The following SKAP1 variants were observed in gnomAD, a reference collection of about 807,000 sequenced individuals.
SKAP1 encodes src kinase-associated phosphoprotein 1.
Under a neutral mutation model 58.5 loss-of-function variants are expected in SKAP1, and 44 were observed. The observed-to-expected ratio is 0.75, with a 90% CI of 0.59 to 0.97. The LOEUF is 0.97. Among genes scored for constraint, SKAP1 ranks in the 50% least tolerant of loss-of-function variants. The pLI is 0.00. For synonymous variants in SKAP1, 127 were observed against 149.7 expected, an observed-to-expected ratio of 0.85 and a Z score of 1.11; for missense variants, 390 against 435.2, an observed-to-expected ratio of 0.90 and a Z score of 0.92.
chr17:48,342,990 A>AAATAAT (rs947638835), intron 4 of SKAP1, among the ~76,000 whole-genome samples: 3 of 152,198 alleles, frequency 2.0e-5, no homozygotes, highest in Non-Finnish European at 1.5e-5. Flanking sequence ...GTCTCAAAAA[A>AAATAAT]AATAATAATA....
At chr17:48,424,663 G>T (rs1184583951) in intron 1 of SKAP1, among the ~76,000 whole-genome samples, 1 of 151,710 alleles carries the variant, frequency 6.6e-6, no homozygotes, top group Non-Finnish European at 1.5e-5. Context: ...GGCCAGGCAC[G>T]GTGGCTCATG....
At chr17:48,391,408 A>G (rs1018759267) in intron 2 of SKAP1, among the ~76,000 whole-genome samples, 8 of 152,332 alleles carry the variant, frequency 5.3e-5, no homozygotes, top group African/African-American at 1.9e-4. Flanking sequence ...AAGTTAAGCC[A>G]AGAGATCAAC....
chr17:48,395,655 C>A (rs1356280976), intron 2 of SKAP1, among the ~76,000 whole-genome samples: 7 of 152,234 alleles, frequency 4.6e-5, no homozygotes, highest in Non-Finnish European at 1.0e-4. Context: ...AAACTCCCAT[C>A]TTTTGCATTC....
At chr17:48,289,165 T>C (rs1332498195) in intron 4 of SKAP1, among the ~76,000 whole-genome samples, 1 of 152,182 alleles carries the variant, frequency 6.6e-6, no homozygotes, top group Non-Finnish European at 1.5e-5. Context: ...ATTCAAGCAT[T>C]CTGATAGGCT....
At chr17:48,156,944 T>C (rs989932422) in intron 11 of SKAP1, among the ~76,000 whole-genome samples, 1 of 152,228 alleles carries the variant, frequency 6.6e-6, no homozygotes, top group African/African-American at 2.4e-5. Flanking sequence ...CAATAATTTA[T>C]TGAACTCCTA....
chr17:48,198,454 CAAA>C (rs55958821), intron 4 of SKAP1, among the ~76,000 whole-genome samples: 5 of 49,944 alleles, frequency 1.0e-4, no homozygotes, highest in African/African-American at 2.4e-4. Flanking sequence ...GACTCCGTCT[CAAA>C]AAAAAAAAAA....
At chr17:48,341,765 C>G (rs531054550) in intron 4 of SKAP1, among the ~76,000 whole-genome samples, 2 of 152,238 alleles carry the variant, frequency 1.3e-5, no homozygotes, top group South Asian at 4.1e-4. Context: ...AGAATCTTCT[C>G]TAACCTTCAA....
intron 10 of SKAP1, among the ~76,000 whole-genome samples, chr17:48,166,642 G>T (rs780069171): frequency 6.6e-6 from 1 of 152,182 alleles, no homozygotes; most frequent in Non-Finnish European, 1.5e-5. Flanking sequence ...TTACTAAAAT[G>T]ATCGTGTCAA....
chr17:48,391,072 A>G (rs1316857867), intron 2 of SKAP1, among the ~76,000 whole-genome samples: 1 of 152,170 alleles, frequency 6.6e-6, no homozygotes, highest in Non-Finnish European at 1.5e-5. Context: ...TCTGTCTCAA[A>G]AAAACAAAAA....
rs549180966 is a variant in SKAP1 at position 48,373,162 on chromosome 17, C to T, written c.153-9348G>A. Among the ~76,000 whole-genome samples, 254 of 152,232 alleles carry T rather than the reference C, an allele frequency of 1.7e-3. 2 individuals are homozygous for T. The highest frequency in any genetic ancestry group is 5.8e-3 in the African/African-American group (240 of 41,534). The stretch of plus-strand genomic sequence containing the variant: ...ACTGACTCACACTTCCACATGGCTG[C>T]GGAGGCCTCAGGAAACTTAAAACCA... On this transcript the variant is annotated intron_variant, in intron 2 of 12. Coordinates refer to ENST00000336915, the MANE Select transcript of SKAP1 (RefSeq NM_003726.4).
At chr17:48,294,452 C>A (rs572610783) in intron 4 of SKAP1, 1 of 152,102 alleles carries the variant, frequency 6.6e-6, no homozygotes, top group Admixed American at 6.5e-5. Flanking sequence ...ACAAAGGACG[C>A]CAATCTACGA....
chr17:48,165,427 T>C (rs1471354879), intron 10 of SKAP1, among the ~76,000 whole-genome samples: 2 of 148,848 alleles, frequency 1.3e-5, no homozygotes, highest in Admixed American at 1.3e-4. Context: ...TGAGGCGAAG[T>C]TTTGCTCCTT....
chr17:48,316,511 C>A (rs974469752), intron 4 of SKAP1, among the ~76,000 whole-genome samples: 7 of 152,144 alleles, frequency 4.6e-5, no homozygotes, highest in African/African-American at 1.7e-4. Context: ...TCTCTCTCTG[C>A]CTTTCAGTCT....
At chr17:48,438,042 G>A in the SKAP1 span, among the ~76,000 whole-genome samples, 1 of 152,048 alleles carries the variant, frequency 6.6e-6, no homozygotes, top group South Asian at 2.1e-4. Context: ...CCTCATATAA[G>A]CTTCAGAGTA....
intron 4 of SKAP1, among the ~76,000 whole-genome samples, chr17:48,314,795 A>G (rs1193695806): frequency 3.9e-5 from 6 of 152,198 alleles, no homozygotes; most frequent in Non-Finnish European, 8.8e-5. Context: ...GCCTGATCTC[A>G]ACTCCCACTT....
intron 4 of SKAP1, among the ~76,000 whole-genome samples, chr17:48,299,448 T>C (rs982478339): frequency 6.6e-6 from 1 of 152,136 alleles, no homozygotes; most frequent in African/African-American, 2.4e-5. Flanking sequence ...CCAGATATCA[T>C]TGAAGGGGGA....
the SKAP1 span, among the ~76,000 whole-genome samples, chr17:48,443,473 T>C: frequency 1.1e-4 from 17 of 151,862 alleles, no homozygotes; most frequent in South Asian, 3.1e-3. Context: ...TTTGTTTGTT[T>C]GTTTGTTTGT....
intron 1 of SKAP1, among the ~76,000 whole-genome samples, chr17:48,409,011 C>A (rs572696184): frequency 6.6e-6 from 1 of 152,254 alleles, no homozygotes; most frequent in African/African-American, 2.4e-5. Flanking sequence ...AGTGACCAAC[C>A]TTTTTAAAAT....
chr17:48,199,870 G>A (rs1220637417), intron 4 of SKAP1, among the ~76,000 whole-genome samples: 3 of 152,116 alleles, frequency 2.0e-5, no homozygotes, highest in African/African-American at 7.2e-5. Context: ...GAACGTTATA[G>A]TACCTGGATT....
Sources: gnomAD v4.1 joint callset for allele counts (sites outside exome capture counted in the v4.1 genomes callset) on GRCh38, gnomAD v4.1.1 for gene constraint, MANE v1.5 for transcripts, NCBI Gene and HGNC (gene_info 2026-07-23, HGNC 2026-07-21) for gene names.